The following PHACTR2 variants were observed in gnomAD, a reference collection of about 807,000 sequenced individuals.
PHACTR2 encodes chromosome 6 open reading frame 56.
Under a neutral mutation model 76.0 loss-of-function variants are expected in PHACTR2, and 30 were observed. The observed-to-expected ratio is 0.39, with a 90% CI of 0.30 to 0.54. The LOEUF (loss-of-function observed/expected upper bound fraction) is 0.54. Ranked by LOEUF, PHACTR2 falls within the 20% of genes least tolerant of loss-of-function variation. The pLI, the probability that PHACTR2 is intolerant of heterozygous loss-of-function variation, is 0.61. For synonymous variants in PHACTR2, 292 were observed against 292.5 expected (o/e 1.00, Z 0.02); for missense variants, 696 against 781.1 (o/e 0.89, Z 1.30).
In PHACTR2 at chr6:143,800,958, T is replaced by C. The variant is rs1775940599; in HGVS notation, c.1846-6099T>C. On this transcript the variant is annotated intron_variant, in intron 11 of 12. Coordinates refer to ENST00000440869, the MANE Select transcript of PHACTR2 (RefSeq NM_001100164.2). This position sits in a 1 kb window ranked among gnomAD's most constrained non-coding sequence, Gnocchi z 4.8. Reference sequence around the variant, plus strand: ...TTTATTTCTCCTTCACTTATGAAGCTTAGTTCAGCTGGATATGAAATTTTG... The same window carrying C: ...TTTATTTCTCCTTCACTTATGAAGCCTAGTTCAGCTGGATATGAAATTTTG... Among the ~76,000 whole-genome samples, 1 of 152,202 alleles carries C rather than the reference T, an allele frequency of 6.6e-6. No individual in the cohort carries two copies. Among genetic ancestry groups the C allele is most frequent in the South Asian group, 2.1e-4 (1 of 4,830 alleles).
At chr6:143,728,924 A>G (rs1778637862) in intron 2 of PHACTR2, among the ~76,000 whole-genome samples, 1 of 152,210 alleles carries the variant, frequency 6.6e-6, no homozygotes, top group Non-Finnish European at 1.5e-5. Flanking sequence ...ACATCAGTCT[A>G]GGCAAAGATT....
chr6:143,572,616 G>A (rs926806833), intron 1 of PHACTR2, among the ~76,000 whole-genome samples: 2 of 152,100 alleles, frequency 1.3e-5, no homozygotes, highest in African/African-American at 2.4e-5. Flanking sequence ...GCAGTGGCAC[G>A]ATCTAGGCTC....
chr6:143,632,009 A>G (rs9918365), intron 1 of PHACTR2, among the ~76,000 whole-genome samples: 1 of 152,166 alleles, frequency 6.6e-6, no homozygotes, highest in Admixed American at 6.5e-5. Flanking sequence ...CCAGAAATGC[A>G]CTGTTATGGA....
At chr6:143,691,418 A>G (rs1777640666) in intron 1 of PHACTR2, among the ~76,000 whole-genome samples, 1 of 152,144 alleles carries the variant, frequency 6.6e-6, no homozygotes, top group Admixed American at 6.6e-5. Context: ...GGTCATTCAT[A>G]TTTACTGTTC....
intron 1 of PHACTR2, among the ~76,000 whole-genome samples, chr6:143,609,263 C>T (rs142511621): frequency 6.6e-6 from 1 of 152,298 alleles, no homozygotes; most frequent in Non-Finnish European, 1.5e-5. Flanking sequence ...GTTCAGTCCT[C>T]GGCACAGGTA....
chr6:143,709,181 C>T lies in PHACTR2; in HGVS notation c.47-2835C>T, dbSNP rs967442828. ...CTTTACTCTGAATTAGCTTCAAAAT[C>T]AGTCTGTCCCCTGTATCTCTATCTG... On this transcript the variant is annotated intron_variant, in intron 1 of 12. Coordinates refer to ENST00000440869, the MANE Select transcript of PHACTR2 (RefSeq NM_001100164.2). The surrounding 1 kb of genome is among the most constrained non-coding windows in gnomAD (Gnocchi z 4.4). Among the ~76,000 whole-genome samples, 4 of 152,170 alleles carry T rather than the reference C, an allele frequency of 2.6e-5. No individual in the cohort carries two copies. Among genetic ancestry groups the T allele is most frequent in the African/African-American group, 9.7e-5 (4 of 41,442 alleles).
chr6:143,593,046 CAA>C (rs67052242), intron 1 of PHACTR2, among the ~76,000 whole-genome samples: 16,687 of 79,064 alleles, frequency 0.21, 862 homozygotes, highest in South Asian at 0.31. Flanking sequence ...GACCCTGCCT[CAA>C]AAAAAAAAAA....
In PHACTR2 at chr6:143,830,186, C is replaced by A. The variant is rs1338557344; in HGVS notation, c.*6497C>A. 5 of 151,512 alleles carry A rather than the reference C, an allele frequency of 3.3e-5. No homozygotes were observed. The highest frequency in any genetic ancestry group is 7.4e-5 in the Non-Finnish European group (5 of 67,880). The allele number at this position is 151,512 out of a possible 1,614,324, so 9.4% of individuals were successfully genotyped here. A position where few individuals can be genotyped will look rare whatever the true frequency, so the allele number is the denominator to read the frequency against. On this transcript the variant is annotated 3_prime_UTR_variant, in exon 13 of 13. Coordinates refer to ENST00000440869, the MANE Select transcript of PHACTR2 (RefSeq NM_001100164.2). ...TTCTTTTTCTTTTTTTTAAAAAAAACATTTCTTCTGTGGCTTAGAAATGTG... is the reference window on the plus strand; with the variant it reads ...TTCTTTTTCTTTTTTTTAAAAAAAAAATTTCTTCTGTGGCTTAGAAATGTG...
intron 1 of PHACTR2, among the ~76,000 whole-genome samples, chr6:143,600,125 G>C (rs980626401): frequency 3.3e-5 from 5 of 152,228 alleles, no homozygotes; most frequent in African/African-American, 4.8e-5. Context: ...GCATGAGCCT[G>C]CCAGCCACAT....
intron 1 of PHACTR2, among the ~76,000 whole-genome samples, chr6:143,584,584 A>T (rs1582684730): frequency 6.6e-6 from 1 of 152,364 alleles, no homozygotes; most frequent in East Asian, 1.9e-4. Flanking sequence ...AGAAGGTCCA[A>T]ACTCAAGCCT....
chr6:143,656,612 T>G lies in PHACTR2; in HGVS notation c.13+48290T>G, dbSNP rs969009699. ...CATCAATGCTAGATGAGGATACAGG[T>G]AGATGAATGAATATTGTAGTTGAGT... On this transcript the variant is annotated intron_variant, in intron 1 of 11. Transcript: ENST00000305766. The surrounding 1 kb of genome is among the most constrained non-coding windows in gnomAD (Gnocchi z 5.3). 3.9e-5 allele frequency among the ~76,000 whole-genome samples: 6 copies of G among 152,070 alleles called. No individual in the cohort carries two copies. The highest frequency in any genetic ancestry group is 8.8e-5 in the Non-Finnish European group (6 of 68,012).
rs978524814 is a variant in PHACTR2 at position 143,697,428 on chromosome 6, G to A, written c.47-14588G>A. Reference sequence around the variant, plus strand: ...AAATTAATTTTCACCACTCATCACCGGGTGAAAATAGAAACTTCTTAAAAG... The same window carrying A: ...AAATTAATTTTCACCACTCATCACCAGGTGAAAATAGAAACTTCTTAAAAG... On this transcript the variant is annotated intron_variant, in intron 1 of 12. Coordinates refer to ENST00000440869, the MANE Select transcript of PHACTR2 (RefSeq NM_001100164.2). This position sits in a 1 kb window ranked among gnomAD's most constrained non-coding sequence, Gnocchi z 4.4. Among the ~76,000 whole-genome samples the A allele has an allele frequency of 1.7e-4, 26 of 152,116 alleles. No individual in the cohort carries two copies. Among genetic ancestry groups the A allele is most frequent in the Admixed American group, 1.2e-3 (18 of 15,284 alleles).
intron 1 of PHACTR2, among the ~76,000 whole-genome samples, chr6:143,622,568 C>G (rs1776174202): frequency 6.6e-6 from 1 of 152,076 alleles, no homozygotes; most frequent in Non-Finnish European, 1.5e-5. Context: ...TTCTATAGAG[C>G]ACAATGATGT....
chr6:143,721,311 A>T (rs1233944578), intron 2 of PHACTR2, among the ~76,000 whole-genome samples: 1 of 152,224 alleles, frequency 6.6e-6, no homozygotes, highest in Non-Finnish European at 1.5e-5. Flanking sequence ...TCCCAAACTA[A>T]TTTACAAAAT....
At chr6:143,551,650 G>A (rs951127523) in intron 1 of PHACTR2, among the ~76,000 whole-genome samples, 1 of 152,078 alleles carries the variant, frequency 6.6e-6, no homozygotes, top group Non-Finnish European at 1.5e-5. Flanking sequence ...CCTCCTTCTA[G>A]GGAGACTAAA....
At chr6:143,565,414 C>T (rs1203392337) in intron 1 of PHACTR2, among the ~76,000 whole-genome samples, 1 of 151,988 alleles carries the variant, frequency 6.6e-6, no homozygotes, top group Non-Finnish European at 1.5e-5. Context: ...GTCAGGAGAT[C>T]GAGACCATCC....
chr6:143,707,405 C>T (rs1368265268), intron 1 of PHACTR2, among the ~76,000 whole-genome samples: 2 of 152,140 alleles, frequency 1.3e-5, no homozygotes, highest in Non-Finnish European at 1.5e-5. Context: ...TTTTTGCCAC[C>T]TACTTTTTTC....
rs371205528 is a variant in PHACTR2 at position 143,794,404 on chromosome 6, A to G, written c.1845+5494A>G. On this transcript the variant is annotated intron_variant, in intron 11 of 12. Transcript: ENST00000440869. The surrounding 1 kb of genome is among the most constrained non-coding windows in gnomAD (Gnocchi z 4.1). ...TTCATGTAAAAATTATAATTTAGCT[A>G]TTAGGTTTAAAAATGAGTTTTATTT... 6.8e-4 allele frequency among the ~76,000 whole-genome samples: 104 copies of G among 152,034 alleles called. No homozygotes were observed. The highest frequency in any genetic ancestry group is 2.4e-3 in the African/African-American group (100 of 41,520).
chr6:143,712,793 A>T (rs2128461177), intron 2 of PHACTR2, among the ~76,000 whole-genome samples: 1 of 152,288 alleles, frequency 6.6e-6, no homozygotes, highest in South Asian at 2.1e-4. Flanking sequence ...GTCTTAAGAG[A>T]GTAGAGGCAC....
Sources: allele counts gnomAD v4.1 joint callset (sites outside exome capture counted in the v4.1 genomes callset), GRCh38; gene constraint gnomAD v4.1.1; non-coding constraint Gnocchi (gnomAD v3.1); transcripts MANE v1.5; gene names NCBI Gene and HGNC (gene_info 2026-07-23, HGNC 2026-07-21).